The following SERPINB11 variants were observed in gnomAD, a reference collection of about 807,000 sequenced individuals.
SERPINB11 encodes the protein serpin family B member 11.
Under a neutral mutation model 36.7 loss-of-function variants are expected in SERPINB11, and 32 were observed. That is an observed-to-expected ratio of 0.87 (90% confidence interval 0.66 to 1.17). SERPINB11 has a LOEUF of 1.17. Among genes scored for constraint, SERPINB11 ranks in the 50% most tolerant of loss-of-function variants. The pLI is 0.00. For synonymous variants in SERPINB11, 174 were observed against 168.1 expected, an observed-to-expected ratio of 1.04 and a Z score of -0.27; for missense variants, 528 against 458.4, an observed-to-expected ratio of 1.15 and a Z score of -1.39.
At chr18:63,703,260 G>A (rs1369586313) in intron 1 of SERPINB11, among the ~76,000 whole-genome samples, 1 of 152,180 alleles carries the variant, frequency 6.6e-6, no homozygotes, top group Non-Finnish European at 1.5e-5. Flanking sequence ...TTAGTAAAAT[G>A]GAACTCCGTT....
intron 1 of SERPINB11, among the ~76,000 whole-genome samples, chr18:63,707,692 C>A (rs1320696454): frequency 2.0e-5 from 3 of 152,170 alleles, no homozygotes; most frequent in Non-Finnish European, 2.9e-5. Flanking sequence ...TATGTGCATA[C>A]CAGCATATCA....
chr18:63,720,042 A>C lies in SERPINB11; in HGVS notation c.505A>C (p.Thr169Pro), dbSNP rs1216577335. The C allele has an allele frequency of 3.1e-6, 5 of 1,606,446 alleles. No individual in the cohort carries two copies. Among genetic ancestry groups the C allele is most frequent in the Non-Finnish European group, 4.2e-6 (5 of 1,177,188 alleles). Residue 169 changes from threonine (T) to proline (P), a missense_variant, in exon 6 of 8, where the codon ACA becomes CCA. Coordinates refer to ENST00000544088, the MANE Select transcript of SERPINB11 (RefSeq NM_001370475.1). ...AGTCGCAAATCTCTTTGGAAAGAGC[A>C]CAATTGACCCTTCATCTGTAATGGT... ...GKVANLFGKS[T>P]IDPSSVMVLV...
At chr18:63,714,697 T>C (rs1031327141) in intron 4 of SERPINB11, among the ~76,000 whole-genome samples, 1 of 152,186 alleles carries the variant, frequency 6.6e-6, no homozygotes. Flanking sequence ...AATGGTTATC[T>C]CCCTAGTTCC....
intron 7 of SERPINB11, 49 bp downstream of exon 7, chr18:63,721,035 AACACACAC>A (rs147551453): frequency 4.3e-6 from 6 of 1,393,236 alleles, no homozygotes; most frequent in Non-Finnish European, 6.0e-6. Context: ...TGTGCATGTT[AACACACAC>A]ACACACAGAC....
chr18:63,718,107 C>T (rs1423382121), intron 5 of SERPINB11, among the ~76,000 whole-genome samples: 1 of 151,840 alleles, frequency 6.6e-6, no homozygotes, highest in African/African-American at 2.4e-5. Flanking sequence ...ATTAGATGAC[C>T]ATATGTGTGT....
rs767858302 is a variant in SERPINB11 at position 63,723,344 on chromosome 18, T to C, written c.1124T>C (p.Ile375Thr). 6 of 1,613,716 alleles carry C rather than the reference T, an allele frequency of 3.7e-6. No individual in the cohort carries two copies. The highest frequency in any genetic ancestry group is 4.5e-5 in the East Asian group (2 of 44,892). Reference sequence around the variant, plus strand: ...GCGAACCACCCCTTCCTTTTCTTTATAAGGCACACTCATACCAACACGATC... The same window carrying C: ...GCGAACCACCCCTTCCTTTTCTTTACAAGGCACACTCATACCAACACGATC... ...FKANHPFLFF[I>T]RHTHTNTILF... The change falls in exon 8 of 8, where the codon ATA becomes ACA. Residue 375 changes from isoleucine to threonine, a missense_variant. Physicochemically the swap from Ile to Thr is moderately conservative, Grantham distance 89. Transcript: ENST00000544088.
rs746711659 is a variant in SERPINB11, at chr18:63,720,046, T to C, written c.509T>C (p.Ile170Thr). 6.8e-6 allele frequency: 11 copies of C among 1,609,452 alleles called. No homozygotes were observed. The African/African-American group carries it at 1.2e-4, about 18-fold the overall frequency. ...GCAAATCTCTTTGGAAAGAGCACAATTGACCCTTCATCTGTAATGGTCCTG... is the reference window on the plus strand; with the variant it reads ...GCAAATCTCTTTGGAAAGAGCACAACTGACCCTTCATCTGTAATGGTCCTG... ...KVANLFGKST[I>T]DPSSVMVLVN... Residue 170 changes from isoleucine to threonine, a missense_variant, in exon 6 of 8, where the codon ATT becomes ACT. Coordinates refer to ENST00000544088, the MANE Select transcript of SERPINB11 (RefSeq NM_001370475.1).
intron 4 of SERPINB11, among the ~76,000 whole-genome samples, chr18:63,715,272 C>T (rs1308434340): frequency 6.6e-6 from 1 of 152,172 alleles, no homozygotes; most frequent in Non-Finnish European, 1.5e-5. Flanking sequence ...GTAGATATCA[C>T]TGTTGTCTTG....
rs868331133 is a variant in SERPINB11 at position 63,723,451 on chromosome 18, C to G, written c.*52C>G. 7.3e-6 allele frequency: 11 copies of G among 1,507,406 alleles called. No individual in the cohort carries two copies. The highest frequency in any genetic ancestry group is 8.9e-6 in the Non-Finnish European group (10 of 1,119,380). 93.4% of individuals were successfully genotyped at this position (1,507,406 alleles called of 1,614,324 possible). On this transcript the variant is annotated 3_prime_UTR_variant, in exon 8 of 8. Transcript: ENST00000544088. ...GTTGCAGATGAGGTGCAGAGACAAT[C>G]CTGTGACTTTCCCACGGCCAAAAAG...
chr18:63,710,153 G>T, intron 1 of SERPINB11, 26 bp from the exon 2 acceptor site: 1 of 1,551,004 alleles, frequency 6.4e-7, no homozygotes, highest in South Asian at 1.2e-5. Flanking sequence ...GTGATGTTCT[G>T]AGAATTTTTT....
chr18:63,719,797 C>T (rs1048146280), intron 5 of SERPINB11, among the ~76,000 whole-genome samples: 2 of 151,942 alleles, frequency 1.3e-5, no homozygotes, highest in African/African-American at 2.4e-5. Context: ...TCCTGGGTGC[C>T]GTCTTATGAT....
chr18:63,703,351 T>C (rs1914289014), intron 1 of SERPINB11, among the ~76,000 whole-genome samples: 2 of 152,234 alleles, frequency 1.3e-5, no homozygotes, highest in South Asian at 4.1e-4. Context: ...ACACACTTCT[T>C]AGCTCCTTAG....
Position 63,720,935 on chromosome 18 carries a change from C to G in SERPINB11, c.723C>G (p.Asn241Lys), listed in dbSNP as rs753624572. Residue 241 changes from asparagine (N) to lysine (K), a missense_variant, in exon 7 of 8, where the codon AAC (asparagine) becomes AAG (lysine). By Grantham distance (94) the Asn-to-Lys change is moderately conservative. Transcript: ENST00000544088. ...TTCTTGAGCTGCCCTACGTTAACAA[C>G]AAATTAAGCATGATTATTCTGCTTC... ...MQVLELPYVNNKLSMIILLPV... is the reference protein window; with the variant it reads ...MQVLELPYVNKKLSMIILLPV... The G allele has an allele frequency of 6.2e-7, 1 of 1,609,458 alleles. No individual in the cohort carries two copies. The highest frequency in any genetic ancestry group is 1.7e-5 in the Admixed American group (1 of 59,554).
Position 63,710,352 on chromosome 18 carries a change from A to G in SERPINB11, c.159A>G (p.Gln53=), listed in dbSNP as rs781201889. ...GTGCCAGGGGAGAGACTGAAGAGCA[A>G]TTGGAGAAGGTATGGAATTCCTCAG... ...LLGARGETEE[Q]LEKVLHFSHT... is the part of the protein sequence containing the mutation. The change falls in exon 2 of 8, where the codon CAA becomes CAG. Residue 53 remains glutamine (Q), a synonymous_variant. Coordinates refer to ENST00000544088, the MANE Select transcript of SERPINB11 (RefSeq NM_001370475.1). 3 of 1,611,062 alleles carry G rather than the reference A, an allele frequency of 1.9e-6. No individual in the cohort carries two copies. In the South Asian group the frequency reaches 3.3e-5, roughly 18 times the overall value.
chr18:63,705,545 G>C (rs1914350647), intron 1 of SERPINB11: 1 of 152,238 alleles, frequency 6.6e-6, no homozygotes, highest in African/African-American at 2.4e-5. Flanking sequence ...TTCTAATCCA[G>C]TCATGGCTTA....
intron 6 of SERPINB11, chr18:63,720,478 A>ATT: frequency 1.2e-5 from 4 of 320,696 alleles, no homozygotes; most frequent in East Asian, 7.2e-5. Context: ...TATCTGTGTT[A>ATT]TTTTTTTTTC....
intron 6 of SERPINB11, 139 bp from the exon 7 acceptor site, chr18:63,720,692 A>G (rs574735771): frequency 3.3e-6 from 2 of 609,166 alleles, no homozygotes; most frequent in Non-Finnish European, 5.6e-6. Flanking sequence ...GGGAAGTAAT[A>G]AGGAATCTAC....
At chr18:63,706,991 TAGA>T (rs1424408421) in intron 1 of SERPINB11, among the ~76,000 whole-genome samples, 1 of 152,160 alleles carries the variant, frequency 6.6e-6, no homozygotes, top group African/African-American at 2.4e-5. Context: ...CTCTTCTTAT[TAGA>T]AGCCTTTTCT....
Position 63,720,006 on chromosome 18 carries a change from A to T in SERPINB11, c.476-7A>T, listed in dbSNP as rs1914761531. 2 of 1,588,776 alleles carry T rather than the reference A, an allele frequency of 1.3e-6. No homozygotes were observed. Among genetic ancestry groups the T allele is most frequent in the East Asian group, 4.5e-5 (2 of 44,282 alleles). On this transcript the variant is annotated splice_region_variant and splice_polypyrimidine_tract_variant and intron_variant, in intron 5 of 7. Coordinates refer to ENST00000544088, the MANE Select transcript of SERPINB11 (RefSeq NM_001370475.1). Reference sequence around the variant, plus strand: ...TCCAAATATAATTATCTTATTTTTTATACAAGGAAAAGTCGCAAATCTCTT... The same window carrying T: ...TCCAAATATAATTATCTTATTTTTTTTACAAGGAAAAGTCGCAAATCTCTT...
Sources: allele counts gnomAD v4.1 joint callset (sites outside exome capture counted in the v4.1 genomes callset), GRCh38; gene constraint gnomAD v4.1.1; transcripts MANE v1.5; gene names NCBI Gene and HGNC (gene_info 2026-07-23, HGNC 2026-07-21).